PLPP4: variants seen among roughly 807,000 people sequenced by gnomAD.
PLPP4 encodes the protein phospholipid phosphatase 4, also known as diacylglycerol pyrophosphate like 2.
A neutral mutation model predicts 32.2 loss-of-function variants in PLPP4; 20 were observed. The ratio of observed to expected loss-of-function variants is 0.62; its 90% confidence interval spans 0.44 to 0.90. The LOEUF is 0.90. Among genes scored for constraint, PLPP4 ranks in the 40% least tolerant of loss-of-function variants. PLPP4 has a pLI of 0.00. For missense variants in PLPP4, 257 were observed against 353.1 expected (o/e 0.73, Z 2.18); for synonymous variants, 127 against 133.0 (o/e 0.95, Z 0.31).
At chr10:120,467,065 T>C (rs1812731853) in intron 1 of PLPP4, among the ~76,000 whole-genome samples, 1 of 152,048 alleles carries the variant, frequency 6.6e-6, no homozygotes, top group Non-Finnish European at 1.5e-5. Context: ...AAATTGCCAG[T>C]ATATAAGTAT....
At chr10:120,489,061 G>A (rs1340388400) in intron 1 of PLPP4, among the ~76,000 whole-genome samples, 1 of 152,094 alleles carries the variant, frequency 6.6e-6, no homozygotes, top group Non-Finnish European at 1.5e-5. Context: ...ACTTCCTTTT[G>A]TCCCTCCAGG....
chr10:120,477,442 T>TTTTG (rs1277182214), intron 1 of PLPP4, among the ~76,000 whole-genome samples: 1 of 152,092 alleles, frequency 6.6e-6, no homozygotes, highest in Non-Finnish European at 1.5e-5. Flanking sequence ...TCGTCAGTTT[T>TTTTG]TTTGTTTGTT....
At chr10:120,506,790 CTG>C (rs1197779020) in intron 2 of PLPP4, among the ~76,000 whole-genome samples, 1 of 152,188 alleles carries the variant, frequency 6.6e-6, no homozygotes, top group Non-Finnish European at 1.5e-5. Context: ...CTTTCGCTGT[CTG>C]TGGCACCATT....
chr10:120,587,829 G>A (rs1849831816), intron 6 of PLPP4, among the ~76,000 whole-genome samples: 1 of 152,220 alleles, frequency 6.6e-6, no homozygotes, highest in South Asian at 2.1e-4. Context: ...TCTTTATATA[G>A]TGCGTTGCTT....
chr10:120,491,293 T>C (rs945422205), intron 1 of PLPP4, among the ~76,000 whole-genome samples: 10 of 152,186 alleles, frequency 6.6e-5, no homozygotes, highest in African/African-American at 1.9e-4. Context: ...CTTTCGCCAG[T>C]ACCTCATCAC....
At position 120,572,360 on chromosome 10, in the gene PLPP4, C is replaced by T. The variant is rs777158092; in HGVS notation, c.446-2771C>T. On this transcript the variant is annotated intron_variant, in intron 5 of 6. Transcript: ENST00000398250. The stretch of plus-strand genomic sequence containing the variant: ...CCCTTCTCCATGCCCTGGATGTGCC[C>T]GGAGGTGCTGTAGGCAGTATTGGTT... 3.9e-5 allele frequency among the ~76,000 whole-genome samples: 6 copies of T among 152,182 alleles called. No individual in the cohort carries two copies. In the South Asian group the frequency reaches 8.3e-4, roughly 21 times the overall value.
intron 1 of PLPP4, among the ~76,000 whole-genome samples, chr10:120,494,364 C>A (rs549048884): frequency 6.6e-6 from 1 of 152,318 alleles, no homozygotes; most frequent in East Asian, 1.9e-4. Context: ...AGTCAAGCAC[C>A]TTGCCCAAGG....
Position 120,495,088 on chromosome 10 carries a change from G to A in PLPP4, c.57-8730G>A, listed in dbSNP as rs111655919. On this transcript the variant is annotated intron_variant, in intron 1 of 6. Transcript: ENST00000398250. ...ACGGAGGAAGAGTGCACTCCGTGCC[G>A]TATAGACTTAGGCAAGACATCTGAC... Among the ~76,000 whole-genome samples the A allele has an allele frequency of 2.9e-3, 434 of 152,262 alleles. 2 individuals are homozygous for A. The highest frequency in any genetic ancestry group is 9.9e-3 in the African/African-American group (410 of 41,552).
At chr10:120,547,275 A>C (rs763258233) in intron 5 of PLPP4, among the ~76,000 whole-genome samples, 3 of 152,034 alleles carry the variant, frequency 2.0e-5, no homozygotes, top group Non-Finnish European at 2.9e-5. Context: ...ATTTCAAAGA[A>C]ATCTCTAGAA....
chr10:120,501,006 G>A (rs1353039643), intron 1 of PLPP4, among the ~76,000 whole-genome samples: 1 of 152,126 alleles, frequency 6.6e-6, no homozygotes, highest in Non-Finnish European at 1.5e-5. Flanking sequence ...GGTAAGAGGG[G>A]AGAGACTGTG....
chr10:120,517,293 C>T (rs528003618), intron 3 of PLPP4, among the ~76,000 whole-genome samples: 2 of 152,252 alleles, frequency 1.3e-5, no homozygotes, highest in East Asian at 1.9e-4. Flanking sequence ...AGTAATTTTG[C>T]GGCAATCTCA....
chr10:120,494,057 A>G (rs1844846797), intron 1 of PLPP4, among the ~76,000 whole-genome samples: 1 of 152,174 alleles, frequency 6.6e-6, no homozygotes. Context: ...TGGTCATATC[A>G]ATAAGAAATG....
rs562264806 is a variant in PLPP4 at position 120,550,301 on chromosome 10, A to ATT, written c.446-24829_446-24828insTT. Among the ~76,000 whole-genome samples, 11 of 152,138 alleles carry ATT rather than the reference A, an allele frequency of 7.2e-5. No individual in the cohort carries two copies. In the East Asian group the frequency reaches 2.1e-3, roughly 29 times the overall value. ...TGCTAAAAAGCTAAATAAGACTTAA[A>ATT]TAAGTGGAAAGTATACCATATTCAT... On this transcript the variant is annotated intron_variant, in intron 5 of 6. Transcript: ENST00000398250.
At chr10:120,488,352 A>G (rs558452691) in intron 1 of PLPP4, among the ~76,000 whole-genome samples, 8 of 152,268 alleles carry the variant, frequency 5.3e-5, no homozygotes, top group Non-Finnish European at 1.0e-4. Context: ...GCTAACATTT[A>G]TTAAACCTGC....
chr10:120,492,591 C>T (rs1844771395), intron 1 of PLPP4, among the ~76,000 whole-genome samples: 1 of 152,162 alleles, frequency 6.6e-6, no homozygotes, highest in Non-Finnish European at 1.5e-5. Flanking sequence ...GCAGTTATCT[C>T]CATTTACAGA....
chr10:120,520,849 A>T lies in PLPP4; in HGVS notation c.321-122A>T, dbSNP rs937931691. The T allele has an allele frequency of 3.4e-6, 4 of 1,184,046 alleles. No homozygotes were observed. In the African/African-American group the frequency reaches 4.7e-5, roughly 14 times the overall value. The allele number at this position is 1,184,046 out of a possible 1,614,324, so 73.3% of individuals were successfully genotyped here. On this transcript the variant is annotated intron_variant, in intron 4 of 6. Transcript: ENST00000398250. ...TCTAGAGTATTCTGTGAGGAGCTCC[A>T]GTGTTGACAGCCAAGGGGGCTGAGG...
chr10:120,570,063 A>T lies in PLPP4; in HGVS notation c.446-5068A>T, dbSNP rs541736950. On this transcript the variant is annotated intron_variant, in intron 5 of 6. Transcript: ENST00000398250. ...ATTCATAGAATGGCCTAATGACTACATCATTGTGTTGTTCTGGGGATGAAA... is the reference window on the plus strand; with the variant it reads ...ATTCATAGAATGGCCTAATGACTACTTCATTGTGTTGTTCTGGGGATGAAA... 2.0e-5 allele frequency among the ~76,000 whole-genome samples: 3 copies of T among 152,286 alleles called. No individual in the cohort carries two copies. In the East Asian group the frequency reaches 5.8e-4, roughly 29 times the overall value.
At chr10:120,508,521 G>A (rs1409004180) in intron 2 of PLPP4, among the ~76,000 whole-genome samples, 1 of 152,066 alleles carries the variant, frequency 6.6e-6, no homozygotes, top group African/African-American at 2.4e-5. Context: ...GAAGTCCTTG[G>A]CATCCTCATG....
chr10:120,559,191 G>T (rs900702364), intron 5 of PLPP4, among the ~76,000 whole-genome samples: 1 of 151,592 alleles, frequency 6.6e-6, no homozygotes, highest in Non-Finnish European at 1.5e-5. Flanking sequence ...TTTCAATTAG[G>T]TTGTCACTTT....
Sources: allele counts gnomAD v4.1 joint callset (sites outside exome capture counted in the v4.1 genomes callset), GRCh38; gene constraint gnomAD v4.1.1; transcripts MANE v1.5; gene names NCBI Gene and HGNC (gene_info 2026-07-23, HGNC 2026-07-21).